CROCC2: variants seen among roughly 807,000 people sequenced by gnomAD.
CROCC2 encodes the protein ciliary rootlet coiled-coil, rootletin family member 2.
A neutral mutation model predicts 177.6 loss-of-function variants in CROCC2; 163 were observed. That is an observed-to-expected ratio of 0.92 (90% CI 0.81 to 1.05). The LOEUF is 1.05. CROCC2 is among the 50% of genes least tolerant of loss of function. CROCC2 has a pLI of 0.00. For missense variants in CROCC2, 1,929 were observed against 1,797.8 expected (o/e 1.07, Z -1.32); for synonymous variants, 904 against 787.3 (o/e 1.15, Z -2.48).
At chr2:240,943,209 T>G (rs1299010181) in intron 14 of CROCC2, among the ~76,000 whole-genome samples, 2 of 152,096 alleles carry the variant, frequency 1.3e-5, no homozygotes, top group African/African-American at 4.8e-5. Flanking sequence ...GGTTTTGCCA[T>G]GTTGCCCAGG....
chr2:240,921,244 C>G (rs1438962546), intron 3 of CROCC2, among the ~76,000 whole-genome samples: 1 of 152,166 alleles, frequency 6.6e-6, no homozygotes, highest in Non-Finnish European at 1.5e-5. Flanking sequence ...TCTGAGGGGC[C>G]CGTTCTCTGC....
At position 240,934,464 on chromosome 2, in the gene CROCC2, G is replaced by A. The variant is rs760167133; in HGVS notation, c.1780G>A (p.Ala594Thr). 24 of 1,547,872 alleles carry A rather than the reference G, an allele frequency of 1.6e-5. No homozygotes were observed. Among genetic ancestry groups the A allele is most frequent in the Middle Eastern group, 2.3e-4 (1 of 4,394 alleles). ...GAGTGAGAGGGAGGGACTGCGCAGC[G>A]CCCTGGCGCGGGTACACTCTGCTCC... ...VESEREGLRS[A>T]LARAECSNAD... Residue 594 changes from alanine (A) to threonine (T), a missense_variant, in exon 12 of 32, where the codon GCC becomes ACC. Physicochemically the swap from Ala to Thr is moderately conservative, Grantham distance 58. Coordinates refer to ENST00000690015, the MANE Select transcript of CROCC2 (RefSeq NM_001351305.2).
intron 31 of CROCC2, among the ~76,000 whole-genome samples, chr2:240,992,846 T>C (rs2059889037): frequency 1.3e-5 from 2 of 152,192 alleles, no homozygotes; most frequent in African/African-American, 4.8e-5. Flanking sequence ...CTTCCCTGCC[T>C]TCCTTCCCCA....
chr2:240,965,695 G>A lies in CROCC2; in HGVS notation c.3663G>A (p.Gln1221=). 6.5e-7 allele frequency: 1 copy of A among 1,550,084 alleles called. No individual in the cohort carries two copies. The highest frequency in any genetic ancestry group is 8.7e-7 in the Non-Finnish European group (1 of 1,146,786). ...AGGCCGCAGGGGAGGCCCATGGACAGCGGCTCCAGGAGCACCTCCGTGAGA... is the reference window on the plus strand; with the variant it reads ...AGGCCGCAGGGGAGGCCCATGGACAACGGCTCCAGGAGCACCTCCGTGAGA... ...EVEAAGEAHG[Q]RLQEHLRESR... Residue 1221 remains glutamine, a synonymous_variant, in exon 24 of 32, where the codon CAG becomes CAA. Transcript: ENST00000690015.
At chr2:240,941,572 A>G (rs989579328) in intron 14 of CROCC2, among the ~76,000 whole-genome samples, 1 of 152,238 alleles carries the variant, frequency 6.6e-6, no homozygotes, top group African/African-American at 2.4e-5. Flanking sequence ...AAAAACATAA[A>G]GTAAAGAAAG....
At chr2:240,952,251 G>T (rs1430962004) in intron 18 of CROCC2, among the ~76,000 whole-genome samples, 1 of 145,434 alleles carries the variant, frequency 6.9e-6, no homozygotes, top group East Asian at 2.0e-4. Flanking sequence ...GGAGGCTGAG[G>T]CAAGAGAATA....
chr2:240,988,936 A>G, intron 29 of CROCC2, 66 bp downstream of exon 29: 2 of 1,332,718 alleles, frequency 1.5e-6, no homozygotes, highest in Admixed American at 3.4e-5. Flanking sequence ...GGGATCCAGG[A>G]GGGTGTCAGT....
intron 28 of CROCC2, chr2:240,986,208 C>T (rs956994034): frequency 6.4e-6 from 2 of 313,508 alleles, no homozygotes; most frequent in African/African-American, 4.4e-5. Context: ...CCCACCCACC[C>T]TGTGGGTCCA....
intron 30 of CROCC2, 140 bp from the exon 31 acceptor site, chr2:240,991,056 C>A: frequency 1.8e-6 from 1 of 564,034 alleles, no homozygotes; most frequent in South Asian, 3.1e-5. Flanking sequence ...ATGTTTCTGT[C>A]CCATGCATGC....
chr2:240,952,736 C>T (rs1164836718), intron 18 of CROCC2, among the ~76,000 whole-genome samples: 1 of 152,142 alleles, frequency 6.6e-6, no homozygotes, highest in East Asian at 1.9e-4. Flanking sequence ...GCCTTGGGCG[C>T]CAGCATCAGG....
chr2:240,919,281 G>A (rs1192017628), intron 2 of CROCC2, among the ~76,000 whole-genome samples: 1 of 152,136 alleles, frequency 6.6e-6, no homozygotes, highest in Non-Finnish European at 1.5e-5. Context: ...GCCTGAGCAG[G>A]GCTGCCGCTG....
chr2:240,915,971 A>G (rs1460363955), intron 1 of CROCC2, among the ~76,000 whole-genome samples: 1 of 152,146 alleles, frequency 6.6e-6, no homozygotes, highest in African/African-American at 2.4e-5. Flanking sequence ...ACGCTGGGCC[A>G]CAGCCTGGGC....
At position 240,913,211 on chromosome 2, in the gene CROCC2, C is replaced by T. The variant is rs1178585686; in HGVS notation, c.79-5515C>T. ...CTGCTCTGCCTCACTCACCCCCATC[C>T]CCACTGCCCCTCCCCCAGACCCTGC... On this transcript the variant is annotated intron_variant, in intron 1 of 31. Coordinates refer to ENST00000690015, the MANE Select transcript of CROCC2 (RefSeq NM_001351305.2). Among the ~76,000 whole-genome samples, 3 of 152,134 alleles carry T rather than the reference C, an allele frequency of 2.0e-5. No individual in the cohort carries two copies. The East Asian group carries it at 5.8e-4, about 29-fold the overall frequency.
At chr2:240,921,477 G>A (rs2059356634) in intron 3 of CROCC2, among the ~76,000 whole-genome samples, 1 of 152,192 alleles carries the variant, frequency 6.6e-6, no homozygotes, top group Admixed American at 6.5e-5. Flanking sequence ...AGGGTGGGGA[G>A]ATGTTGGGAA....
intron 28 of CROCC2, among the ~76,000 whole-genome samples, chr2:240,987,491 A>G (rs1455010024): frequency 6.6e-6 from 1 of 152,190 alleles, no homozygotes; most frequent in African/African-American, 2.4e-5. Context: ...TGTTTTTCTC[A>G]GTCCTGAAGA....
chr2:240,910,711 C>T (rs182701445), intron 1 of CROCC2, among the ~76,000 whole-genome samples: 15 of 152,376 alleles, frequency 9.8e-5, no homozygotes, highest in African/African-American at 3.6e-4. Flanking sequence ...CATTAACCTA[C>T]ATATGCATTC....
chr2:240,984,402 A>C (rs1405395286), intron 28 of CROCC2, among the ~76,000 whole-genome samples: 1 of 151,940 alleles, frequency 6.6e-6, no homozygotes, highest in Non-Finnish European at 1.5e-5. Flanking sequence ...GCATTCCAGG[A>C]AGCAGGCAGA....
chr2:240,928,624 A>G lies in CROCC2; in HGVS notation c.646-1542A>G, dbSNP rs78130262. 0.014 allele frequency among the ~76,000 whole-genome samples: 2,064 copies of G among 152,322 alleles called. 86 individuals are homozygous for G. The East Asian group carries it at 0.15, about 11-fold the overall frequency. On this transcript the variant is annotated intron_variant, in intron 5 of 31. Transcript: ENST00000690015. Reference sequence around the variant, plus strand: ...TGGCAGCCACACCTCCATGTTGCCAAGAAGTGTCTCAGCCTGCTCTTGTGA... The same window carrying G: ...TGGCAGCCACACCTCCATGTTGCCAGGAAGTGTCTCAGCCTGCTCTTGTGA...
chr2:240,975,736 T>G (rs952243591), intron 27 of CROCC2, among the ~76,000 whole-genome samples: 36 of 145,886 alleles, frequency 2.5e-4, no homozygotes, highest in African/African-American at 8.6e-4. Flanking sequence ...TTTTTTTTTT[T>G]TTTTTTTTTT....
Sources: gnomAD v4.1 joint callset for allele counts (sites outside exome capture counted in the v4.1 genomes callset) on GRCh38, gnomAD v4.1.1 for gene constraint, MANE v1.5 for transcripts, NCBI Gene and HGNC (gene_info 2026-07-23, HGNC 2026-07-21) for gene names.